The following MEF2C variants were observed in gnomAD, a reference collection of about 807,000 sequenced individuals.
MEF2C encodes the protein myocyte-specific enhancer factor 2C.
Under a neutral mutation model 50.5 loss-of-function variants are expected in MEF2C, and 6 were observed. The observed-to-expected ratio is 0.12, with a 90% CI of 0.07 to 0.23. The LOEUF (loss-of-function observed/expected upper bound fraction) is 0.23, where lower values mean the gene tolerates loss of function less well. MEF2C is among the 10% of genes least tolerant of loss of function. The probability of loss-of-function intolerance (pLI) is 1.00; values close to 1 mark genes in which losing one functional copy is unlikely to be tolerated. For missense variants in MEF2C, 276 were observed against 605.0 expected, an observed-to-expected ratio of 0.46 and a Z score of 5.70; for synonymous variants, 183 against 228.0, an observed-to-expected ratio of 0.80 and a Z score of 1.78.
rs562938441 is a variant in MEF2C, at chr5:88,814,798, G to A, written c.54+8937C>T. On this transcript the variant is annotated intron_variant, in intron 2 of 10. Coordinates refer to ENST00000504921, the MANE Select transcript of MEF2C (RefSeq NM_002397.5). ...AGTGTTTATTAACAAACTCATAAAAGTTTGAGTTTTAAAATTTGTGACAGC... is the reference window on the plus strand; with the variant it reads ...AGTGTTTATTAACAAACTCATAAAAATTTGAGTTTTAAAATTTGTGACAGC... 1.2e-4 allele frequency among the ~76,000 whole-genome samples: 18 copies of A among 152,200 alleles called. No homozygotes were observed. In the South Asian group the frequency reaches 2.5e-3, roughly 21 times the overall value.
At chr5:88,848,586 C>A (rs891198392) in intron 1 of MEF2C, among the ~76,000 whole-genome samples, 2 of 152,114 alleles carry the variant, frequency 1.3e-5, no homozygotes, top group Admixed American at 1.3e-4. Flanking sequence ...CTTCTCACTC[C>A]ACACTGTTAA....
intron 1 of MEF2C, among the ~76,000 whole-genome samples, chr5:88,872,116 G>T (rs1303318265): frequency 6.6e-6 from 1 of 151,710 alleles, no homozygotes; most frequent in Non-Finnish European, 1.5e-5. Flanking sequence ...AATCAAAGTT[G>T]TCTAATAAGA....
At chr5:88,880,563 T>C (rs1266035754) in intron 1 of MEF2C, among the ~76,000 whole-genome samples, 1 of 152,184 alleles carries the variant, frequency 6.6e-6, no homozygotes, top group Non-Finnish European at 1.5e-5. Context: ...TAAGGAGTTA[T>C]TCAGTGCTGT....
chr5:88,734,565 G>GTTT lies in MEF2C; in HGVS notation c.638-2667_638-2665dup, dbSNP rs66505441. 3,141 of 538,936 alleles carry GTTT rather than the reference G, an allele frequency of 5.8e-3. 34 individuals carry two copies. Among genetic ancestry groups the GTTT allele is most frequent in the African/African-American group, 0.012 (265 of 21,352 alleles). The allele number at this position is 538,936 out of a possible 1,614,324, so 33.4% of individuals were successfully genotyped here. A position where few individuals can be genotyped will look rare whatever the true frequency, so the allele number is the denominator to read the frequency against. On this transcript the variant is annotated intron_variant, in intron 6 of 10. Transcript: ENST00000504921. ...TTCACGGAGGCCTTGAGAAAAGTTT[G>GTTT]TTTTTTTTTTTTTTTTTTTTTTTTT...
chr5:88,729,480 C>T, intron 8 of MEF2C, 133 bp from the exon 9 acceptor site: 1 of 814,538 alleles, frequency 1.2e-6, no homozygotes, highest in South Asian at 1.7e-5. Context: ...TAACATGTGT[C>T]TCTATGAACT....
intron 1 of MEF2C, among the ~76,000 whole-genome samples, chr5:88,845,101 C>T (rs1461258964): frequency 5.3e-5 from 8 of 152,196 alleles, no homozygotes; most frequent in Non-Finnish European, 5.9e-5. Context: ...ACGTCAAGGA[C>T]CAGTGAACCT....
chr5:88,759,890 A>T (rs1777085900), intron 4 of MEF2C, among the ~76,000 whole-genome samples: 1 of 152,264 alleles, frequency 6.6e-6, no homozygotes, highest in Non-Finnish European at 1.5e-5. Flanking sequence ...GTGTGCAGCT[A>T]CTATGGTAAA....
intron 3 of MEF2C, among the ~76,000 whole-genome samples, chr5:88,777,879 G>A (rs1242678181): frequency 6.7e-6 from 1 of 150,028 alleles, no homozygotes; most frequent in African/African-American, 2.4e-5. Flanking sequence ...GGAAAAGAAA[G>A]GGTGCTAAAT....
intron 1 of MEF2C, chr5:88,839,498 C>CT (rs1398476107): frequency 2.6e-5 from 4 of 152,138 alleles, no homozygotes; most frequent in African/African-American, 7.2e-5. Flanking sequence ...CAGGAAATCT[C>CT]TGAGATTTGT....
At chr5:88,742,619 T>C (rs1003270837) in intron 6 of MEF2C, 14 of 985,164 alleles carry the variant, frequency 1.4e-5, no homozygotes, top group African/African-American at 1.7e-5. Flanking sequence ...TAAAATTTTC[T>C]TTTTTTCCTC....
At chr5:88,765,888 T>G (rs1779829216) in intron 3 of MEF2C, among the ~76,000 whole-genome samples, 1 of 152,212 alleles carries the variant, frequency 6.6e-6, no homozygotes, top group Admixed American at 6.5e-5. Context: ...CAAGCCTGTA[T>G]ACTGAAGTCA....
At chr5:88,853,997 T>C (rs573269883) in intron 1 of MEF2C, among the ~76,000 whole-genome samples, 52 of 152,278 alleles carry the variant, frequency 3.4e-4, no homozygotes, top group Non-Finnish European at 6.8e-4. Flanking sequence ...AATTTTTACA[T>C]GGGGGCAAAA....
chr5:88,895,006 G>T (rs371113686), intron 1 of MEF2C, among the ~76,000 whole-genome samples: 23 of 152,212 alleles, frequency 1.5e-4, no homozygotes, highest in African/African-American at 5.5e-4. Flanking sequence ...TAATGATTTT[G>T]CCGAGAGAAG....
In MEF2C at chr5:88,749,124, A is replaced by T; in HGVS notation, c.590-7T>A. ...TCTCCACCCATCAGACCACCTATGG[A>T]TTAAAGAGGAAGATCAAAACGAGAA... On this transcript the variant is annotated splice_region_variant and splice_polypyrimidine_tract_variant and intron_variant, in intron 5 of 10. Transcript: ENST00000504921. The T allele has an allele frequency of 1.3e-6, 2 of 1,562,870 alleles. No homozygotes were observed. The highest frequency in any genetic ancestry group is 1.7e-6 in the Non-Finnish European group (2 of 1,154,426).
intron 6 of MEF2C, chr5:88,734,260 CAT>C: frequency 2.0e-6 from 2 of 985,306 alleles, no homozygotes; most frequent in Non-Finnish European, 2.4e-6. Context: ...ACACTGAAGA[CAT>C]ATGTCACTTA....
In MEF2C at chr5:88,823,841, C is replaced by T. The variant is rs1248519280; in HGVS notation, c.-53G>A. 1 of 1,601,528 alleles carries T rather than the reference C, an allele frequency of 6.2e-7. No homozygotes were observed. The highest frequency in any genetic ancestry group is 8.5e-7 in the Non-Finnish European group (1 of 1,173,610). The stretch of plus-strand genomic sequence containing the variant: ...CCCTGAAATTATGTATTTTTTCCTT[C>T]CTTTTCTTTCTCTTTCCTGTTTCCT... On this transcript the variant is annotated 5_prime_UTR_variant, in exon 2 of 11. Transcript: ENST00000504921.
At chr5:88,771,604 G>T in intron 3 of MEF2C, 1 of 985,352 alleles carries the variant, frequency 1.0e-6, no homozygotes, top group Non-Finnish European at 1.2e-6. Flanking sequence ...CTAACACAGG[G>T]CTTGGGTAAT....
intron 1 of MEF2C, among the ~76,000 whole-genome samples, chr5:88,901,257 A>C (rs1835625074): frequency 6.7e-6 from 1 of 149,670 alleles, no homozygotes; most frequent in African/African-American, 2.5e-5. Context: ...AGTAATATGT[A>C]ATTTTTATCT....
intron 1 of MEF2C, among the ~76,000 whole-genome samples, chr5:88,894,165 T>A (rs1486062082): frequency 6.6e-6 from 1 of 152,242 alleles, no homozygotes; most frequent in African/African-American, 2.4e-5. Context: ...AACAACCTTT[T>A]AGACATGTAC....
Sources: allele counts gnomAD v4.1 joint callset (sites outside exome capture counted in the v4.1 genomes callset), GRCh38; gene constraint gnomAD v4.1.1; transcripts MANE v1.5; gene names NCBI Gene and HGNC (gene_info 2026-07-23, HGNC 2026-07-21).